KLHL28: variants seen among roughly 807,000 people sequenced by gnomAD.
KLHL28 encodes kelch-like protein 28.
In KLHL28, 22 loss-of-function variants were observed where a neutral mutation model predicts 48.3. That is an observed-to-expected ratio of 0.46 (90% CI 0.33 to 0.65). The LOEUF is 0.65. KLHL28 is among the 30% of genes least tolerant of loss of function. The probability of loss-of-function intolerance (pLI) is 0.03; values close to 1 mark genes in which losing one functional copy is unlikely to be tolerated. For synonymous variants in KLHL28, 243 were observed against 242.4 expected (o/e 1.00, Z -0.02); for missense variants, 527 against 704.3 (o/e 0.75, Z 2.85).
intron 2 of KLHL28, among the ~76,000 whole-genome samples, chr14:44,937,924 G>A (rs1318728986): frequency 6.6e-6 from 1 of 152,160 alleles, no homozygotes; most frequent in Admixed American, 6.5e-5. Context: ...TCAAGAGGGT[G>A]GATCCTTCAG....
rs1344756225 is a variant in KLHL28, at chr14:44,927,649, A to G, written c.*1379T>C. ...AATAAGCTGTCACTGGCTACAGCAAACAATTTTGCTTTAAAAGATCATTTC... is the reference window on the plus strand; with the variant it reads ...AATAAGCTGTCACTGGCTACAGCAAGCAATTTTGCTTTAAAAGATCATTTC... On this transcript the variant is annotated 3_prime_UTR_variant, in exon 5 of 5. Coordinates refer to ENST00000396128, the MANE Select transcript of KLHL28 (RefSeq NM_017658.5). 6.6e-6 allele frequency: 1 copy of G among 152,630 alleles called. No homozygotes were observed. Among genetic ancestry groups the G allele is most frequent in the Non-Finnish European group, 1.5e-5 (1 of 68,008 alleles). The allele number at this position is 152,630 out of a possible 1,614,324, so 9.5% of individuals were successfully genotyped here.
chr14:44,943,023 A>C (rs1482576976), intron 2 of KLHL28, among the ~76,000 whole-genome samples: 1 of 152,180 alleles, frequency 6.6e-6, no homozygotes, highest in Non-Finnish European at 1.5e-5. Flanking sequence ...ATGCTGCAAT[A>C]AACAGCTCTA....
At position 44,927,853 on chromosome 14, in the gene KLHL28, GC is replaced by G. The variant is rs1357007925; in HGVS notation, c.*1174del. ...TTTTAAGAAAGACATGTAATATCTA[GC>G]ACAAGAAGAAAGAAGATCAAAAGTG... On this transcript the variant is annotated 3_prime_UTR_variant, in exon 5 of 5. Transcript: ENST00000396128. 6.6e-6 allele frequency: 1 copy of G among 152,532 alleles called. No homozygotes were observed. Among genetic ancestry groups the G allele is most frequent in the Admixed American group, 6.6e-5 (1 of 15,260 alleles). The allele number at this position is 152,532 out of a possible 1,614,324, so 9.4% of individuals were successfully genotyped here.
intron 2 of KLHL28, among the ~76,000 whole-genome samples, chr14:44,939,717 A>C (rs749087368): frequency 5.3e-5 from 8 of 151,994 alleles, no homozygotes; most frequent in Non-Finnish European, 1.2e-4. Context: ...CAACATTCTG[A>C]TCATGCCCAC....
intron 1 of KLHL28, chr14:44,960,956 G>C: frequency 6.9e-7 from 1 of 1,439,044 alleles, no homozygotes; most frequent in Non-Finnish European, 9.5e-7. Context: ...TGATAACTTA[G>C]ACTTTTCGCA....
At chr14:44,957,681 A>G (rs952310251) in intron 1 of KLHL28, among the ~76,000 whole-genome samples, 1 of 152,188 alleles carries the variant, frequency 6.6e-6, no homozygotes, top group Non-Finnish European at 1.5e-5. Flanking sequence ...GCAACAATAT[A>G]ATAGGCACTG....
chr14:44,952,063 G>C (rs558033799), intron 1 of KLHL28, among the ~76,000 whole-genome samples: 1 of 152,104 alleles, frequency 6.6e-6, no homozygotes, highest in East Asian at 1.9e-4. Context: ...GTTTCACCAT[G>C]TTGCCTAGGC....
chr14:44,933,314 T>C (rs961093217), intron 3 of KLHL28, among the ~76,000 whole-genome samples: 1 of 121,774 alleles, frequency 8.2e-6, no homozygotes, highest in African/African-American at 3.2e-5. Context: ...TCTTTCTTTC[T>C]TTTTTTTTTT....
intron 3 of KLHL28, among the ~76,000 whole-genome samples, 185 bp downstream of exon 3, chr14:44,933,930 T>G (rs902156152): frequency 2.7e-4 from 41 of 152,202 alleles, no homozygotes; most frequent in African/African-American, 9.9e-4. Context: ...TGAGAGGGAT[T>G]TGATTGTTAG....
intron 2 of KLHL28, among the ~76,000 whole-genome samples, chr14:44,935,635 T>C (rs1016683994): frequency 6.6e-6 from 1 of 151,406 alleles, no homozygotes; most frequent in African/African-American, 2.4e-5. Flanking sequence ...TAACAATATA[T>C]TGGGGCACAT....
chr14:44,935,191 AT>A (rs1429067704), intron 2 of KLHL28, among the ~76,000 whole-genome samples: 2 of 152,228 alleles, frequency 1.3e-5, no homozygotes, highest in Non-Finnish European at 2.9e-5. Context: ...TCTTACACAC[AT>A]AATGTTGAGA....
At position 44,944,919 on chromosome 14, in the gene KLHL28, C is replaced by T. The variant is rs1034554881; in HGVS notation, c.899+111G>A. 4 of 804,756 alleles carry T rather than the reference C, an allele frequency of 5.0e-6. No individual in the cohort carries two copies. In the Admixed American group the frequency reaches 8.1e-5, roughly 16 times the overall value. The allele number at this position is 804,756 out of a possible 1,614,324, so 49.9% of individuals were successfully genotyped here. A position where few individuals can be genotyped will look rare whatever the true frequency, so the allele number is the denominator to read the frequency against. ...AAGAAGAAAAAAAACTAAAAAGAAG[C>T]AAAGAAAAGTAAAAAGGAAAATCAA... On this transcript the variant is annotated intron_variant, in intron 2 of 4. Transcript: ENST00000396128.
At position 44,928,985 on chromosome 14, in the gene KLHL28, G is replaced by A; in HGVS notation, c.*43C>T. ...ACTGGGCCATCCGGATGTTCATGCAGTACAAGTTTCACCACCATACTATTT... is the reference window on the plus strand; with the variant it reads ...ACTGGGCCATCCGGATGTTCATGCAATACAAGTTTCACCACCATACTATTT... On this transcript the variant is annotated 3_prime_UTR_variant, in exon 5 of 5. Transcript: ENST00000396128. 1 of 1,594,858 alleles carries A rather than the reference G, an allele frequency of 6.3e-7. No individual in the cohort carries two copies. The highest frequency in any genetic ancestry group is 8.6e-7 in the Non-Finnish European group (1 of 1,164,762).
Position 44,929,187 on chromosome 14 carries a change from A to G in KLHL28, c.1557T>C (p.Val519=), listed in dbSNP as rs1406857071. ...CRPMKEPRTG[V]GAAVIDNYLY... Reference sequence around the variant, plus strand: ...GGTAGTTATCGATTACAGCAGCACCAACTCCTAGGAAAGGTTGGCAAAAAG... The same window carrying G: ...GGTAGTTATCGATTACAGCAGCACCGACTCCTAGGAAAGGTTGGCAAAAAG... Residue 519 remains valine (V), a synonymous_variant, in exon 5 of 5, where the codon GTT becomes GTC. Coordinates refer to ENST00000396128, the MANE Select transcript of KLHL28 (RefSeq NM_017658.5). 1.3e-6 allele frequency: 2 copies of G among 1,597,396 alleles called. No individual in the cohort carries two copies. The highest frequency in any genetic ancestry group is 1.1e-5 in the South Asian group (1 of 88,524).
chr14:44,938,106 A>G (rs573981218), intron 2 of KLHL28, among the ~76,000 whole-genome samples: 3 of 152,290 alleles, frequency 2.0e-5, no homozygotes, highest in Admixed American at 6.5e-5. Context: ...AATAGCCCCA[A>G]AAGTCTTAAC....
intron 1 of KLHL28, among the ~76,000 whole-genome samples, chr14:44,946,182 AAAAATCTCTGACAATGGACTT>A (rs1309458264): frequency 6.6e-6 from 1 of 152,214 alleles, no homozygotes; most frequent in Non-Finnish European, 1.5e-5. Flanking sequence ...CCCAAACCAA[AAAAATCTCTGACAATGGACTT>A]TTGGATCAAA....
At chr14:44,948,249 G>A (rs899108285) in intron 1 of KLHL28, among the ~76,000 whole-genome samples, 26 of 152,158 alleles carry the variant, frequency 1.7e-4, no homozygotes, top group Admixed American at 7.8e-4. Flanking sequence ...TATTATTCAG[G>A]TATTAATGTA....
At chr14:44,932,462 A>T (rs556112043) in intron 3 of KLHL28, among the ~76,000 whole-genome samples, 25 of 152,276 alleles carry the variant, frequency 1.6e-4, no homozygotes, top group African/African-American at 6.0e-4. Context: ...ATTAAATCAG[A>T]ATTTTCAAAA....
At position 44,925,530 on chromosome 14, in the gene KLHL28, A is replaced by G. The variant is rs1182109226; in HGVS notation, c.*3498T>C. 1 of 152,110 alleles carries G rather than the reference A, an allele frequency of 6.6e-6. No homozygotes were observed. The highest frequency in any genetic ancestry group is 6.5e-5 in the Admixed American group (1 of 15,278). 9.4% of individuals were successfully genotyped at this position (152,110 alleles called of 1,614,324 possible). ...AATCACTTCTTACGATGTCAGAGAT[A>G]AGGAATTAGATTCATCCTTCACCAA... On this transcript the variant is annotated 3_prime_UTR_variant, in exon 5 of 5. Transcript: ENST00000396128.
Sources: allele counts gnomAD v4.1 joint callset (sites outside exome capture counted in the v4.1 genomes callset), GRCh38; gene constraint gnomAD v4.1.1; transcripts MANE v1.5; gene names NCBI Gene and HGNC (gene_info 2026-07-23, HGNC 2026-07-21).